Variants in FAM167A observed in about 807,000 individuals in gnomAD.
FAM167A encodes protein FAM167A.
In FAM167A, 23 loss-of-function variants were observed where a neutral mutation model predicts 14.9. The observed-to-expected ratio is 1.55, with a 90% CI of 1.11 to 2.19. FAM167A has a LOEUF of 2.19. Ranked by LOEUF, FAM167A falls within the 30% of genes most tolerant of loss-of-function variation. The probability of loss-of-function intolerance (pLI) is 0.00; values close to 1 mark genes in which losing one functional copy is unlikely to be tolerated. For missense variants in FAM167A, 401 were observed against 281.5 expected, an observed-to-expected ratio of 1.42 and a Z score of -3.04; for synonymous variants, 174 against 117.7, an observed-to-expected ratio of 1.48 and a Z score of -3.10.
intron 2 of FAM167A, among the ~76,000 whole-genome samples, chr8:11,431,680 G>A (rs1008431869): frequency 6.6e-6 from 1 of 152,076 alleles, no homozygotes; most frequent in Middle Eastern, 3.4e-3. Context: ...AATAGAGATG[G>A]CCGGTCAGCC....
At position 11,424,127 on chromosome 8, in the gene FAM167A, T is replaced by C. The variant is rs1218191547; in HGVS notation, c.*246A>G. Reference sequence around the variant, plus strand: ...ACCCAGGTCTCCTTTAACATCTTGGTTGGAGCGGCCCTTCTGCAGAGCTCT... The same window carrying C: ...ACCCAGGTCTCCTTTAACATCTTGGCTGGAGCGGCCCTTCTGCAGAGCTCT... On this transcript the variant is annotated 3_prime_UTR_variant, in exon 3 of 3. Transcript: ENST00000284486. The C allele has an allele frequency of 5.9e-6, 3 of 506,172 alleles. No homozygotes were observed. Among genetic ancestry groups the C allele is most frequent in the Non-Finnish European group, 1.1e-5 (3 of 282,060 alleles). The allele number at this position is 506,172 out of a possible 1,614,324, so 31.4% of individuals were successfully genotyped here. A position where few individuals can be genotyped will look rare whatever the true frequency, so the allele number is the denominator to read the frequency against.
chr8:11,445,847 C>T (rs369860603), intron 1 of FAM167A, among the ~76,000 whole-genome samples: 4 of 151,656 alleles, frequency 2.6e-5, no homozygotes, highest in South Asian at 4.2e-4. Flanking sequence ...TGCTGGGGGA[C>T]ATGCAGCTAT....
upstream of FAM167A, among the ~76,000 whole-genome samples, chr8:11,470,618 C>G (rs965424927): frequency 1.3e-5 from 2 of 152,142 alleles, no homozygotes; most frequent in Non-Finnish European, 2.9e-5. Context: ...TCTCCTGATC[C>G]CTTTTGAGTC....
chr8:11,470,416 G>A (rs1340227609), upstream of FAM167A, among the ~76,000 whole-genome samples: 2 of 152,210 alleles, frequency 1.3e-5, no homozygotes, highest in African/African-American at 4.8e-5. Context: ...CCAGAATGCA[G>A]CAGGCAGGGA....
intron 2 of FAM167A, among the ~76,000 whole-genome samples, chr8:11,433,660 G>T (rs1012759916): frequency 2.0e-5 from 3 of 152,196 alleles, no homozygotes; most frequent in Non-Finnish European, 4.4e-5. Flanking sequence ...CAGACAGAAT[G>T]CCAAGGTGGT....
chr8:11,443,764 A>C, intron 2 of FAM167A: 2 of 440,744 alleles, frequency 4.5e-6, no homozygotes, highest in Non-Finnish European at 4.1e-6. Context: ...GGTACACCTT[A>C]ACATGGGTTC....
intron 1 of FAM167A, chr8:11,445,651 C>T: frequency 1.0e-6 from 1 of 974,638 alleles, no homozygotes; most frequent in Non-Finnish European, 1.2e-6. Flanking sequence ...CAGCTCCTAC[C>T]CCATAACATC....
intron 1 of FAM167A, among the ~76,000 whole-genome samples, chr8:11,457,338 G>A (rs1807376412): frequency 6.6e-6 from 1 of 151,922 alleles, no homozygotes; most frequent in Non-Finnish European, 1.5e-5. Context: ...TGAGAACTCG[G>A]CAGTCTCTTC....
rs1563354595 is a variant in FAM167A at position 11,424,676 on chromosome 8, GCTCGAGTCC to G, written c.382-49_382-41del. The stretch of plus-strand genomic sequence containing the variant: ...GAGCAGGCAGGGTCAGCAGAGAGTG[GCTCGAGTCC>G]CTGACAGGCACAGACTGGTTAGCAG... On this transcript the variant is annotated intron_variant, in intron 2 of 2. Transcript: ENST00000284486. 1.9e-6 allele frequency: 3 copies of G among 1,605,330 alleles called. No individual in the cohort carries two copies. In the South Asian group the frequency reaches 3.3e-5, roughly 18 times the overall value.
chr8:11,458,284 G>A (rs1006477724), intron 1 of FAM167A, among the ~76,000 whole-genome samples: 1 of 152,188 alleles, frequency 6.6e-6, no homozygotes, highest in Admixed American at 6.5e-5. Context: ...AGTCTTTTGT[G>A]CTCTTCCGAA....
At chr8:11,460,202 C>T (rs1807483623) in intron 1 of FAM167A, among the ~76,000 whole-genome samples, 2 of 152,252 alleles carry the variant, frequency 1.3e-5, no homozygotes, top group Non-Finnish European at 1.5e-5. Flanking sequence ...CCGTAGATTG[C>T]CCTAACACTC....
chr8:11,452,989 C>T (rs11250137), intron 1 of FAM167A, among the ~76,000 whole-genome samples: 55 of 152,008 alleles, frequency 3.6e-4, no homozygotes, highest in African/African-American at 1.2e-3. Flanking sequence ...TGATCTCCCC[C>T]CTCTGTCCCC....
At chr8:11,451,057 C>T (rs1264718714) in intron 1 of FAM167A, among the ~76,000 whole-genome samples, 2 of 152,258 alleles carry the variant, frequency 1.3e-5, no homozygotes, top group Admixed American at 1.3e-4. Context: ...AGCTTCCTCC[C>T]TCTTCTGGAA....
At chr8:11,432,781 C>T (rs764522511) in intron 2 of FAM167A, among the ~76,000 whole-genome samples, 3 of 152,180 alleles carry the variant, frequency 2.0e-5, no homozygotes, top group Non-Finnish European at 4.4e-5. Flanking sequence ...CATTGTGGCA[C>T]TATTCACAAT....
At chr8:11,460,603 G>A (rs1002865538) in intron 1 of FAM167A, among the ~76,000 whole-genome samples, 1 of 152,212 alleles carries the variant, frequency 6.6e-6, no homozygotes, top group African/African-American at 2.4e-5. Flanking sequence ...TTCCACACCT[G>A]GTGCAACAAG....
At chr8:11,427,957 G>C (rs927409397) in intron 2 of FAM167A, among the ~76,000 whole-genome samples, 2 of 152,218 alleles carry the variant, frequency 1.3e-5, no homozygotes, top group Non-Finnish European at 2.9e-5. Context: ...CTGGAACGGA[G>C]CTAGGTGCTA....
chr8:11,428,935 T>C (rs1220656421), intron 2 of FAM167A, among the ~76,000 whole-genome samples: 2 of 152,212 alleles, frequency 1.3e-5, no homozygotes, highest in African/African-American at 4.8e-5. Context: ...GAGGCTTAAT[T>C]TGTTTCTAGA....
upstream of FAM167A, among the ~76,000 whole-genome samples, chr8:11,471,157 G>A (rs976585137): frequency 1.3e-5 from 2 of 152,186 alleles, no homozygotes; most frequent in Admixed American, 6.5e-5. Context: ...TGAGGCGGAG[G>A]AGTGGGCTTC....
intron 2 of FAM167A, among the ~76,000 whole-genome samples, chr8:11,437,714 T>G (rs1462344254): frequency 1.3e-5 from 2 of 152,194 alleles, no homozygotes; most frequent in African/African-American, 4.8e-5. Context: ...TCTAGGTGCC[T>G]CACCCAGTAG....
Sources: gnomAD v4.1 joint callset for allele counts (sites outside exome capture counted in the v4.1 genomes callset) on GRCh38, gnomAD v4.1.1 for gene constraint, MANE v1.5 for transcripts, NCBI Gene and HGNC (gene_info 2026-07-23, HGNC 2026-07-21) for gene names.